Variants in PARL observed in about 807,000 individuals in gnomAD.
PARL encodes presenilin associated rhomboid like, also known as presenilin-associated rhomboid-like protein, mitochondrial.
A neutral mutation model predicts 51.6 loss-of-function variants in PARL; 44 were observed. That is an observed-to-expected ratio of 0.85 (90% CI 0.67 to 1.10). PARL has a LOEUF of 1.10. Ranked by LOEUF, PARL falls within the 50% of genes least tolerant of loss-of-function variation. PARL has a pLI of 0.00. For missense variants in PARL, 441 were observed against 469.5 expected (o/e 0.94, Z 0.56); for synonymous variants, 172 against 164.0 (o/e 1.05, Z -0.37).
chr3:183,862,897 CCT>C, intron 3 of PARL, 96 bp from the exon 4 acceptor site: 1 of 935,562 alleles, frequency 1.1e-6, no homozygotes. Flanking sequence ...AAGAGGAATT[CCT>C]CTTCTGCAAA....
intron 7 of PARL, among the ~76,000 whole-genome samples, chr3:183,834,414 A>G (rs917510761): frequency 6.6e-6 from 1 of 152,190 alleles, no homozygotes; most frequent in African/African-American, 2.4e-5. Context: ...ACCCTGTCTC[A>G]AAAATAATAA....
intron 7 of PARL, among the ~76,000 whole-genome samples, chr3:183,836,712 T>C (rs1728637625): frequency 6.6e-6 from 1 of 152,208 alleles, no homozygotes; most frequent in East Asian, 1.9e-4. Flanking sequence ...ATACCTGTAA[T>C]CAATATGCAC....
intron 3 of PARL, among the ~76,000 whole-genome samples, chr3:183,865,708 G>C (rs918695397): frequency 9.2e-5 from 14 of 151,934 alleles, no homozygotes; most frequent in African/African-American, 3.4e-4. Context: ...ACCAGTCCCT[G>C]GTACCAAAAA....
intron 1 of PARL, chr3:183,879,748 G>A (rs1033970964): frequency 3.1e-6 from 3 of 971,264 alleles, no homozygotes; most frequent in Non-Finnish European, 3.7e-6. Context: ...GGAGGTCCTC[G>A]CTCTGTCACC....
At chr3:183,843,166 G>A (rs1336862384) in intron 5 of PARL, 50 of 975,848 alleles carry the variant, frequency 5.1e-5, no homozygotes, top group Non-Finnish European at 5.5e-5. Flanking sequence ...TTATAGATGT[G>A]AGTCACTATG....
intron 4 of PARL, chr3:183,846,615 G>T: frequency 1.0e-6 from 1 of 985,310 alleles, no homozygotes; most frequent in Non-Finnish European, 1.2e-6. Context: ...ATGAGTACTG[G>T]CACTGAAACA....
intron 4 of PARL, among the ~76,000 whole-genome samples, chr3:183,850,606 T>C (rs946959246): frequency 5.9e-5 from 9 of 152,216 alleles, no homozygotes; most frequent in African/African-American, 1.9e-4. Context: ...ACACCAATCC[T>C]TCTCAAACTC....
intron 7 of PARL, among the ~76,000 whole-genome samples, chr3:183,834,685 AC>A (rs1258417933): frequency 6.6e-6 from 1 of 152,010 alleles, no homozygotes; most frequent in Non-Finnish European, 1.5e-5. Context: ...AGCTTACCAA[AC>A]TTTAAATATG....
intron 4 of PARL, chr3:183,861,406 C>T (rs1731813394): frequency 6.3e-6 from 1 of 158,976 alleles, no homozygotes; most frequent in Non-Finnish European, 1.3e-5. Flanking sequence ...GCTTATACTG[C>T]CCTCAAGGAT....
At chr3:183,876,174 G>A (rs1733776691) in intron 1 of PARL, among the ~76,000 whole-genome samples, 1 of 152,090 alleles carries the variant, frequency 6.6e-6, no homozygotes, top group Non-Finnish European at 1.5e-5. Context: ...AACCCTCCGA[G>A]CAGCTGGGAT....
intron 4 of PARL, among the ~76,000 whole-genome samples, chr3:183,860,389 A>G (rs990328869): frequency 6.6e-6 from 1 of 152,246 alleles, no homozygotes. Context: ...AGGTGACACA[A>G]GACAGTTCAA....
At chr3:183,827,552 T>A (rs1727512447), downstream of PARL, among the ~76,000 whole-genome samples, 1 of 152,174 alleles carries the variant, frequency 6.6e-6, no homozygotes, top group South Asian at 2.1e-4. Flanking sequence ...GGAGACCAGC[T>A]GGAAGAACAG....
chr3:183,878,070 C>G (rs1000127779), intron 1 of PARL, among the ~76,000 whole-genome samples: 1 of 152,152 alleles, frequency 6.6e-6, no homozygotes, highest in South Asian at 2.1e-4. Context: ...GGATTACAGG[C>G]GTGAGCCACC....
Position 183,829,645 on chromosome 3 carries a change from G to A in PARL, c.1093C>T (p.His365Tyr). 1 of 1,614,126 alleles carries A rather than the reference G, an allele frequency of 6.2e-7. No homozygotes were observed. The highest frequency in any genetic ancestry group is 8.5e-7 in the Non-Finnish European group (1 of 1,180,018). ...KNREPLVKIW[H>Y]EIRTNGPKKG... ...TTGGGGCCATTAGTCCTTATTTCAT[G>A]CCAGATTTTCACTAGCGGCTCCCTG... is the stretch of plus-strand genomic sequence containing the variant. The change falls in exon 10 of 10, where the codon CAT becomes TAT. Residue 365 changes from histidine to tyrosine, a missense_variant. Coordinates refer to ENST00000317096, the MANE Select transcript of PARL (RefSeq NM_018622.7).
intron 4 of PARL, among the ~76,000 whole-genome samples, chr3:183,861,657 C>T (rs893987039): frequency 1.3e-5 from 2 of 152,082 alleles, no homozygotes; most frequent in South Asian, 4.1e-4. Context: ...CAAAATAAGT[C>T]TTAAATGCTT....
At chr3:183,852,152 G>T (rs1325240676) in intron 4 of PARL, among the ~76,000 whole-genome samples, 1 of 152,076 alleles carries the variant, frequency 6.6e-6, no homozygotes, top group Non-Finnish European at 1.5e-5. Context: ...GCGAGACTCT[G>T]TCTCAAAAAA....
chr3:183,840,353 A>G (rs1424192554), intron 7 of PARL, among the ~76,000 whole-genome samples: 1 of 152,236 alleles, frequency 6.6e-6, no homozygotes, highest in Non-Finnish European at 1.5e-5. Flanking sequence ...GTTAAAAGCT[A>G]TAGCCGGACA....
intron 1 of PARL, among the ~76,000 whole-genome samples, chr3:183,874,115 C>T (rs892993282): frequency 2.0e-5 from 3 of 152,290 alleles, no homozygotes; most frequent in East Asian, 1.9e-4. Context: ...GTAATTCTCA[C>T]AACACTTCAA....
intron 4 of PARL, among the ~76,000 whole-genome samples, chr3:183,859,302 C>T (rs1731532130): frequency 6.6e-6 from 1 of 151,986 alleles, no homozygotes; most frequent in South Asian, 2.1e-4. Flanking sequence ...AACAAAACTA[C>T]AGACTCCAAA....
Sources: gnomAD v4.1 joint callset for allele counts (sites outside exome capture counted in the v4.1 genomes callset) on GRCh38, gnomAD v4.1.1 for gene constraint, MANE v1.5 for transcripts, NCBI Gene and HGNC (gene_info 2026-07-23, HGNC 2026-07-21) for gene names.